The following BACH2 variants were observed in gnomAD, a reference collection of about 807,000 sequenced individuals.
The protein encoded by BACH2 is transcription regulator protein BACH2.
A neutral mutation model predicts 61.8 loss-of-function variants in BACH2; 5 were observed. That is an observed-to-expected ratio of 0.08 (90% CI 0.04 to 0.17). BACH2 has a LOEUF of 0.17. Ranked by LOEUF, BACH2 falls within the 10% of genes least tolerant of loss-of-function variation. The pLI, the probability that BACH2 is intolerant of heterozygous loss-of-function variation, is 1.00. For synonymous variants in BACH2, 446 were observed against 440.1 expected, an observed-to-expected ratio of 1.01 and a Z score of -0.17; for missense variants, 824 against 1,091.1, an observed-to-expected ratio of 0.76 and a Z score of 3.45.
Position 90,146,430 on chromosome 6 carries a change from TA to T in BACH2, c.-161-57322del, listed in dbSNP as rs1418727756. 2.0e-5 allele frequency among the ~76,000 whole-genome samples: 3 copies of T among 152,378 alleles called. No homozygotes were observed. In the East Asian group the frequency reaches 5.8e-4, roughly 29 times the overall value. ...TCTGTCCTCAAGGACCAAAGTTGAT[TA>T]TTCTATACGATTCTGAGGCACAGAT... On this transcript the variant is annotated intron_variant, in intron 4 of 8. Coordinates refer to ENST00000257749, the MANE Select transcript of BACH2 (RefSeq NM_021813.4).
intron 5 of BACH2, among the ~76,000 whole-genome samples, chr6:90,059,135 A>T (rs1366958809): frequency 6.6e-6 from 1 of 152,268 alleles, no homozygotes; most frequent in Non-Finnish European, 1.5e-5. Context: ...GGATCTAATT[A>T]AACTAAAGAG....
At chr6:90,256,868 A>C (rs1770996597) in intron 2 of BACH2, among the ~76,000 whole-genome samples, 1 of 152,144 alleles carries the variant, frequency 6.6e-6, no homozygotes, top group South Asian at 2.1e-4. Context: ...TCTGACCTAC[A>C]TCTCTCCATT....
At chr6:90,083,757 G>A (rs13200910) in intron 5 of BACH2, among the ~76,000 whole-genome samples, 3,432 of 152,214 alleles carry the variant, frequency 0.023, 69 homozygotes, top group Non-Finnish European at 0.038. Context: ...ATGGTATATT[G>A]TTCTGTCCTC....
intron 4 of BACH2, among the ~76,000 whole-genome samples, chr6:90,184,130 C>A (rs1016709151): frequency 6.6e-6 from 1 of 152,138 alleles, no homozygotes; most frequent in African/African-American, 2.4e-5. Flanking sequence ...GACCCACAGG[C>A]AAGGTATTCC....
chr6:90,128,730 A>C (rs1340188353), intron 4 of BACH2, among the ~76,000 whole-genome samples: 1 of 152,256 alleles, frequency 6.6e-6, no homozygotes, highest in Non-Finnish European at 1.5e-5. Context: ...CCAAAGTATT[A>C]TAAACCATGC....
chr6:90,270,198 G>A (rs558241232), intron 2 of BACH2, among the ~76,000 whole-genome samples: 2 of 152,280 alleles, frequency 1.3e-5, no homozygotes, highest in East Asian at 3.9e-4. Context: ...ACATGCATGT[G>A]CAAGTGTCTT....
intron 1 of BACH2, 37 bp downstream of exon 1, chr6:90,296,443 C>T (rs1772394080): frequency 6.6e-6 from 1 of 151,028 alleles, no homozygotes; most frequent in South Asian, 2.1e-4. Context: ...CCACCCCGCC[C>T]AGCGGCGGGG....
At chr6:90,250,794 A>C (rs1433586454) in intron 3 of BACH2, among the ~76,000 whole-genome samples, 1 of 152,270 alleles carries the variant, frequency 6.6e-6, no homozygotes. Flanking sequence ...TTAAGAGAAT[A>C]AATGTGTTCA....
intron 5 of BACH2, among the ~76,000 whole-genome samples, chr6:90,068,411 A>T (rs1781064297): frequency 6.6e-6 from 1 of 152,192 alleles, no homozygotes; most frequent in Admixed American, 6.5e-5. Context: ...CTTGGTTTTC[A>T]AAGTGCTTTT....
chr6:90,239,463 G>C (rs1469813953), intron 3 of BACH2, among the ~76,000 whole-genome samples: 1 of 152,160 alleles, frequency 6.6e-6, no homozygotes, highest in African/African-American at 2.4e-5. Flanking sequence ...ACCTGAGCCA[G>C]GTGCTGGCTC....
chr6:90,144,075 T>C, intron 4 of BACH2, among the ~76,000 whole-genome samples: 1 of 152,234 alleles, frequency 6.6e-6, no homozygotes, highest in East Asian at 1.9e-4. Flanking sequence ...AATGTCATCC[T>C]GAAAAATTTT....
At chr6:90,173,026 T>C (rs951632740) in intron 4 of BACH2, among the ~76,000 whole-genome samples, 2 of 151,934 alleles carry the variant, frequency 1.3e-5, no homozygotes, top group Non-Finnish European at 2.9e-5. Flanking sequence ...TTAAGTTACA[T>C]AGGATGCCAA....
intron 3 of BACH2, among the ~76,000 whole-genome samples, chr6:90,239,689 T>C (rs1770374530): frequency 1.3e-5 from 2 of 152,004 alleles, no homozygotes; most frequent in African/African-American, 4.8e-5. Context: ...TATCTTTATA[T>C]GACTAAGAGA....
chr6:90,228,122 C>T (rs967842225), intron 3 of BACH2, among the ~76,000 whole-genome samples: 4 of 152,254 alleles, frequency 2.6e-5, no homozygotes, highest in Non-Finnish European at 5.9e-5. Context: ...AACAAATTTA[C>T]ACTTCTGCTT....
In BACH2 at chr6:89,927,442, C is replaced by G. The variant is rs1424909247; in HGVS notation, c.*4966G>C. The G allele has an allele frequency of 6.5e-6, 1 of 152,786 alleles. No homozygotes were observed. The highest frequency in any genetic ancestry group is 1.5e-5 in the Non-Finnish European group (1 of 68,054). The allele number at this position is 152,786 out of a possible 1,614,324, so 9.5% of individuals were successfully genotyped here. ...TTCGCAACATATGCGTCTGATTATT[C>G]CCATGGGAGCACTTGGCACTGAATG... On this transcript the variant is annotated 3_prime_UTR_variant, in exon 9 of 9. Transcript: ENST00000257749.
intron 5 of BACH2, among the ~76,000 whole-genome samples, chr6:90,023,867 C>A (rs993096179): frequency 6.6e-6 from 1 of 152,186 alleles, no homozygotes; most frequent in Non-Finnish European, 1.5e-5. Flanking sequence ...CTTCTAACTT[C>A]CGGAACTGTG....
chr6:90,103,018 TA>T (rs1782728275), intron 4 of BACH2, among the ~76,000 whole-genome samples: 4 of 39,168 alleles, frequency 1.0e-4, no homozygotes, highest in Non-Finnish European at 1.5e-4. Context: ...TATATATATA[TA>T]TATATATATA....
intron 4 of BACH2, among the ~76,000 whole-genome samples, chr6:90,196,457 T>C (rs1298494259): frequency 6.6e-6 from 1 of 152,200 alleles, no homozygotes; most frequent in Non-Finnish European, 1.5e-5. Context: ...CATCAGTCTT[T>C]CACAAAATTT....
intron 4 of BACH2, among the ~76,000 whole-genome samples, chr6:90,149,371 G>C (rs528631314): frequency 6.6e-6 from 1 of 152,316 alleles, no homozygotes; most frequent in East Asian, 1.9e-4. Context: ...ATTGGTCTCA[G>C]GGCTAGCAAG....
Sources: gnomAD v4.1 joint callset for allele counts (sites outside exome capture counted in the v4.1 genomes callset) on GRCh38, gnomAD v4.1.1 for gene constraint, MANE v1.5 for transcripts, NCBI Gene and HGNC (gene_info 2026-07-23, HGNC 2026-07-21) for gene names.